The following ARHGAP35 variants were observed in gnomAD, a reference collection of about 807,000 sequenced individuals.
The protein encoded by ARHGAP35 is Rho GTPase activating protein 35.
A neutral mutation model predicts 111.1 loss-of-function variants in ARHGAP35; 15 were observed. The observed-to-expected ratio is 0.13, with a 90% CI of 0.09 to 0.21. The LOEUF is 0.21. ARHGAP35 is among the 10% of genes least tolerant of loss of function. ARHGAP35 has a pLI of 1.00. For synonymous variants in ARHGAP35, 643 were observed against 710.3 expected (o/e 0.91, Z 1.51); for missense variants, 1,262 against 1,873.0 (o/e 0.67, Z 6.02).
At chr19:46,962,685 C>A (rs2056491340) in intron 3 of ARHGAP35, among the ~76,000 whole-genome samples, 2 of 152,190 alleles carry the variant, frequency 1.3e-5, no homozygotes, top group African/African-American at 4.8e-5. Flanking sequence ...TGGCTCATTG[C>A]AACCTCCACC....
At chr19:46,892,557 TATA>T (rs988162808) in intron 1 of ARHGAP35, among the ~76,000 whole-genome samples, 7 of 151,828 alleles carry the variant, frequency 4.6e-5, no homozygotes, top group African/African-American at 1.4e-4. Flanking sequence ...AATTGTCCAT[TATA>T]ATAAGATATT....
Position 46,959,292 on chromosome 19 carries a change from G to A in ARHGAP35, c.3826+21884G>A, listed in dbSNP as rs920807137. On this transcript the variant is annotated intron_variant, in intron 3 of 6. Coordinates refer to ENST00000672722, the MANE Select transcript of ARHGAP35 (RefSeq NM_004491.5). The stretch of plus-strand genomic sequence containing the variant: ...GTTGCCAGGCTGGTCTCAAACTCCT[G>A]TGCTCAAGTGATTCGGCCTCCCAAA... Among the ~76,000 whole-genome samples the A allele has an allele frequency of 2.2e-4, 34 of 152,112 alleles. 1 individual carries two copies. The highest frequency in any genetic ancestry group is 6.5e-4 in the Admixed American group (10 of 15,284).
intron 3 of ARHGAP35, among the ~76,000 whole-genome samples, chr19:46,973,695 A>G (rs968747087): frequency 6.6e-5 from 10 of 151,320 alleles, no homozygotes; most frequent in African/African-American, 2.4e-4. Flanking sequence ...CATCTCAAAA[A>G]AAAAATTGAG....
chr19:46,989,464 C>T lies in ARHGAP35; in HGVS notation c.3905-80C>T. 1 of 1,570,902 alleles carries T rather than the reference C, an allele frequency of 6.4e-7. No individual in the cohort carries two copies. The highest frequency in any genetic ancestry group is 8.7e-7 in the Non-Finnish European group (1 of 1,152,216). ...CTCTGGCTCCTTGAGGTTTCTCTAG[C>T]CTCTCCTGAGCCCCGAGTTGTCCTG... is the stretch of plus-strand genomic sequence containing the variant. On this transcript the variant is annotated intron_variant, in intron 4 of 6. Transcript: ENST00000672722. The surrounding 1 kb of genome is among the most constrained non-coding windows in gnomAD (Gnocchi z 5.3).
intron 1 of ARHGAP35, among the ~76,000 whole-genome samples, chr19:46,892,788 T>G (rs1368248512): frequency 6.6e-6 from 1 of 152,008 alleles, no homozygotes; most frequent in Non-Finnish European, 1.5e-5. Flanking sequence ...TGATTCTGAG[T>G]TGGGGCGTCT....
chr19:46,905,681 C>G (rs1484256728), intron 1 of ARHGAP35, among the ~76,000 whole-genome samples: 1 of 152,068 alleles, frequency 6.6e-6, no homozygotes, highest in African/African-American at 2.4e-5. Flanking sequence ...TCCTAAGTAG[C>G]TGGGACTACA....
intron 1 of ARHGAP35, among the ~76,000 whole-genome samples, chr19:46,884,687 A>G (rs1282958887): frequency 6.6e-6 from 1 of 151,558 alleles, no homozygotes; most frequent in Admixed American, 6.6e-5. Flanking sequence ...GAGTTTTGCC[A>G]TGTTGCCCCA....
At chr19:46,880,947 C>CTTTTT (rs1206653160) in intron 1 of ARHGAP35, among the ~76,000 whole-genome samples, 4 of 113,730 alleles carry the variant, frequency 3.5e-5, no homozygotes, top group Admixed American at 8.9e-5. Flanking sequence ...AATGAATGTT[C>CTTTTT]TTTTTTTTTT....
intron 3 of ARHGAP35, among the ~76,000 whole-genome samples, chr19:46,950,803 T>C (rs868484010): frequency 6.6e-6 from 1 of 152,350 alleles, no homozygotes; most frequent in Middle Eastern, 3.4e-3. Context: ...CCATGGTTTT[T>C]ACCTGCCGGG....
rs1201766891 is a variant in ARHGAP35 at position 46,921,153 on chromosome 19, C to T, written c.2478C>T (p.Ile826=). The T allele has an allele frequency of 3.1e-6, 5 of 1,614,024 alleles. No homozygotes were observed. Among genetic ancestry groups the T allele is most frequent in the African/African-American group, 1.3e-5 (1 of 75,054 alleles). ...SNNSVLLELP[I]GLHKKRIELS... The stretch of plus-strand genomic sequence containing the variant: ...ACTCTGTTTTACTTGAACTACCAAT[C>T]GGACTGCACAAGAAGCGGATTGAAC... The change falls in exon 2 of 7, where the codon ATC becomes ATT. Residue 826 remains isoleucine, a synonymous_variant. Transcript: ENST00000672722. This position sits in a 1 kb window ranked among gnomAD's most constrained non-coding sequence, Gnocchi z 4.3.
chr19:46,921,817 C>A lies in ARHGAP35; in HGVS notation c.3142C>A (p.His1048Asn). ...PPPVKPKPPV[H>N]FEITKGDLSY... Reference sequence around the variant, plus strand: ...GCCAGTCAAACCAAAGCCTCCTGTCCATTTTGAAATTACAAAGGGGGATCT... The same window carrying A: ...GCCAGTCAAACCAAAGCCTCCTGTCAATTTTGAAATTACAAAGGGGGATCT... Residue 1048 changes from histidine (H) to asparagine (N), a missense_variant, in exon 2 of 7, where the codon CAT becomes AAT. Transcript: ENST00000672722. The surrounding 1 kb of genome is among the most constrained non-coding windows in gnomAD (Gnocchi z 4.3). The A allele has an allele frequency of 1.2e-6, 2 of 1,613,928 alleles. No individual in the cohort carries two copies. Among genetic ancestry groups the A allele is most frequent in the Non-Finnish European group, 1.7e-6 (2 of 1,179,886 alleles).
At chr19:46,998,602 C>T (rs1027689394) in intron 5 of ARHGAP35, among the ~76,000 whole-genome samples, 24 of 152,242 alleles carry the variant, frequency 1.6e-4, no homozygotes, top group Non-Finnish European at 7.3e-5. Flanking sequence ...AATGGGGTGA[C>T]GAGTTCCTGC....
In ARHGAP35 at chr19:46,989,627, G is replaced by T; in HGVS notation, c.3988G>T (p.Asp1330Tyr). Residue 1330 changes from aspartate to tyrosine, a missense_variant, in exon 5 of 7, where the codon GAC becomes TAC. Asp to Tyr is a radical substitution (Grantham distance 160). This residue lies in a region of ARHGAP35 where 45 missense variants were observed against 118.2 expected (regional missense o/e 0.38). Transcript: ENST00000672722. This position sits in a 1 kb window ranked among gnomAD's most constrained non-coding sequence, Gnocchi z 5.3. Reference protein sequence around the residue: ...AMKSFFSELPDPLVPYNMQID... With the variant: ...AMKSFFSELPYPLVPYNMQID... ...GAAGAGCTTTTTCTCAGAACTGCCT[G>T]ACCCCCTGGTCCCGTATAACATGCA... The T allele has an allele frequency of 6.2e-7, 1 of 1,613,998 alleles. No homozygotes were observed. Among genetic ancestry groups the T allele is most frequent in the South Asian group, 1.1e-5 (1 of 91,066 alleles).
chr19:46,983,763 G>A (rs1416317891), intron 3 of ARHGAP35, among the ~76,000 whole-genome samples: 6 of 151,848 alleles, frequency 4.0e-5, no homozygotes, highest in African/African-American at 9.7e-5. Flanking sequence ...ACAGGCACCC[G>A]CCACCATGCC....
chr19:46,862,376 T>C (rs1057423154), intron 1 of ARHGAP35, among the ~76,000 whole-genome samples: 2 of 152,172 alleles, frequency 1.3e-5, no homozygotes, highest in African/African-American at 4.8e-5. Flanking sequence ...TTCTCCTTTC[T>C]TTGGCCTGTC....
chr19:46,920,341 A>G lies in ARHGAP35; in HGVS notation c.1666A>G (p.Lys556Glu). Residue 556 changes from lysine (K) to glutamate (E), a missense_variant, in exon 2 of 7, where the codon AAG becomes GAG. Lys to Glu is a moderately conservative substitution (Grantham distance 56). Coordinates refer to ENST00000672722, the MANE Select transcript of ARHGAP35 (RefSeq NM_004491.5). The surrounding 1 kb of genome is among the most constrained non-coding windows in gnomAD (Gnocchi z 7.0). ...KHIHFVYHPTKETCPSCPACV... is the reference protein window; with the variant it reads ...KHIHFVYHPTEETCPSCPACV... Reference sequence around the variant, plus strand: ...CATTCATTTTGTGTACCACCCAACAAAGGAGACATGCCCCAGCTGCCCAGC... The same window carrying G: ...CATTCATTTTGTGTACCACCCAACAGAGGAGACATGCCCCAGCTGCCCAGC... The G allele has an allele frequency of 6.2e-7, 1 of 1,614,008 alleles. No homozygotes were observed. The highest frequency in any genetic ancestry group is 1.7e-5 in the Admixed American group (1 of 60,014).
intron 1 of ARHGAP35, among the ~76,000 whole-genome samples, chr19:46,893,723 G>A (rs918815757): frequency 6.6e-6 from 1 of 151,806 alleles, no homozygotes; most frequent in African/African-American, 2.4e-5. Flanking sequence ...TAGATTTGGG[G>A]ACTTAAATCT....
intron 1 of ARHGAP35, among the ~76,000 whole-genome samples, chr19:46,862,927 C>T (rs980363318): frequency 3.9e-5 from 6 of 152,130 alleles, no homozygotes; most frequent in Non-Finnish European, 8.8e-5. Context: ...TCTTCTTAAT[C>T]ATTCTTTCCT....
intron 2 of ARHGAP35, among the ~76,000 whole-genome samples, chr19:46,931,226 C>G (rs1205864755): frequency 2.0e-5 from 3 of 152,110 alleles, no homozygotes; most frequent in Non-Finnish European, 4.4e-5. Flanking sequence ...GAACATTGGC[C>G]CAGTACATTA....
Sources: allele counts gnomAD v4.1 joint callset (sites outside exome capture counted in the v4.1 genomes callset), GRCh38; gene constraint gnomAD v4.1.1; regional missense constraint gnomAD v4.1.1; non-coding constraint Gnocchi (gnomAD v3.1); transcripts MANE v1.5; gene names NCBI Gene and HGNC (gene_info 2026-07-23, HGNC 2026-07-21).